The following PLXDC2 variants were observed in gnomAD, a reference collection of about 807,000 sequenced individuals.
PLXDC2 encodes the protein plexin domain-containing protein 2.
PLXDC2 carries 40 observed loss-of-function variants against 68.9 expected under a neutral mutation model. That is an observed-to-expected ratio of 0.58 (90% confidence interval 0.45 to 0.76). PLXDC2 has a LOEUF of 0.76. Among genes scored for constraint, PLXDC2 ranks in the 30% least tolerant of loss-of-function variants. PLXDC2 has a pLI of 0.00. For missense variants in PLXDC2, 644 were observed against 661.9 expected, an observed-to-expected ratio of 0.97 and a Z score of 0.30; for synonymous variants, 243 against 234.2, an observed-to-expected ratio of 1.04 and a Z score of -0.34.
At chr10:20,237,697 G>C (rs114105096) in intron 12 of PLXDC2, among the ~76,000 whole-genome samples, 2,288 of 152,274 alleles carry the variant, frequency 0.015, 52 homozygotes, top group African/African-American at 0.049. Flanking sequence ...AGCATTTATA[G>C]TTTAACTTTA....
chr10:20,094,658 G>A (rs1056903054), intron 4 of PLXDC2, among the ~76,000 whole-genome samples: 1 of 152,096 alleles, frequency 6.6e-6, no homozygotes, highest in Admixed American at 6.6e-5. Context: ...AATAGTTCAT[G>A]GTATAAGGTT....
At chr10:20,074,907 T>A (rs1836413069) in intron 4 of PLXDC2, among the ~76,000 whole-genome samples, 1 of 152,082 alleles carries the variant, frequency 6.6e-6, no homozygotes, top group South Asian at 2.1e-4. Flanking sequence ...TATGGTAATC[T>A]GGAGATCTAT....
At chr10:19,971,490 A>G (rs547926586) in intron 1 of PLXDC2, among the ~76,000 whole-genome samples, 1 of 152,194 alleles carries the variant, frequency 6.6e-6, no homozygotes, top group African/African-American at 2.4e-5. Context: ...GAGTGCTGAA[A>G]TGAGAGGGCT....
At chr10:20,029,409 T>TA (rs142673127) in intron 2 of PLXDC2, among the ~76,000 whole-genome samples, 2,991 of 151,662 alleles carry the variant, frequency 0.02, 92 homozygotes, top group African/African-American at 0.064. Flanking sequence ...GAAATGCTTG[T>TA]AAAAAAAATA....
At chr10:19,826,674 G>C (rs772502193) in intron 1 of PLXDC2, among the ~76,000 whole-genome samples, 3 of 152,080 alleles carry the variant, frequency 2.0e-5, no homozygotes, top group Non-Finnish European at 2.9e-5. Context: ...TATATATCTT[G>C]TATAATGTAC....
At chr10:19,819,762 T>C (rs374505902) in intron 1 of PLXDC2, among the ~76,000 whole-genome samples, 32 of 152,384 alleles carry the variant, frequency 2.1e-4, no homozygotes, top group African/African-American at 7.5e-4. Context: ...TTTTCTGTTA[T>C]TTCCTGCTTT....
intron 7 of PLXDC2, 21 bp from the exon 8 acceptor site, chr10:20,176,978 T>A: frequency 6.5e-7 from 1 of 1,543,678 alleles, no homozygotes; most frequent in South Asian, 1.2e-5. Context: ...AAAAATTGAT[T>A]TTTTTTCCTT....
intron 1 of PLXDC2, among the ~76,000 whole-genome samples, chr10:19,983,798 C>T (rs551682085): frequency 6.6e-6 from 1 of 152,136 alleles, no homozygotes; most frequent in Non-Finnish European, 1.5e-5. Flanking sequence ...GGACTGCAGG[C>T]CCACCTTGGA....
intron 4 of PLXDC2, among the ~76,000 whole-genome samples, chr10:20,105,115 C>T (rs549980887): frequency 7.3e-5 from 11 of 151,502 alleles, no homozygotes; most frequent in South Asian, 2.1e-4. Context: ...GGAGCACCAC[C>T]GGCTCTCTGA....
intron 13 of PLXDC2, 111 bp downstream of exon 13, chr10:20,245,616 A>C (rs2778978): frequency 7.9e-7 from 1 of 1,261,774 alleles, no homozygotes; most frequent in Admixed American, 2.3e-5. Flanking sequence ...TTTTCAGTTC[A>C]AGCTTTCTGA....
intron 13 of PLXDC2, 27 bp downstream of exon 13, chr10:20,245,532 A>T (rs750768093): frequency 6.3e-7 from 1 of 1,595,354 alleles, no homozygotes; most frequent in Non-Finnish European, 8.5e-7. Context: ...ACACATGAAA[A>T]CCACGCCAGT....
intron 1 of PLXDC2, among the ~76,000 whole-genome samples, chr10:19,883,911 T>TTTTTTTTTTTTTTTTTTTTTTTGG: frequency 7.3e-6 from 1 of 136,854 alleles, no homozygotes; most frequent in East Asian, 2.2e-4. Flanking sequence ...TTTTTTTTTT[T>TTTTTTTTTTTTTTTTTTTTTTTGG]AGCAGACAGG....
intron 13 of PLXDC2, among the ~76,000 whole-genome samples, chr10:20,276,492 T>C (rs1482300420): frequency 6.6e-6 from 1 of 152,194 alleles, no homozygotes; most frequent in Admixed American, 6.5e-5. Flanking sequence ...CATTTTCTTC[T>C]GAATATGATT....
At chr10:20,037,749 A>G (rs1727909002) in intron 2 of PLXDC2, among the ~76,000 whole-genome samples, 1 of 152,196 alleles carries the variant, frequency 6.6e-6, no homozygotes, top group Admixed American at 6.6e-5. Flanking sequence ...TTGTGCTTTC[A>G]TGGCCATATA....
At chr10:20,170,429 A>T (rs1363917295) in intron 7 of PLXDC2, among the ~76,000 whole-genome samples, 1 of 152,224 alleles carries the variant, frequency 6.6e-6, no homozygotes, top group African/African-American at 2.4e-5. Flanking sequence ...ACCTCAAGTG[A>T]TCCTCCTGCT....
At chr10:20,209,252 C>A (rs539820823) in intron 9 of PLXDC2, among the ~76,000 whole-genome samples, 1 of 152,046 alleles carries the variant, frequency 6.6e-6, no homozygotes, top group Admixed American at 6.6e-5. Flanking sequence ...CCTTAGAAGA[C>A]GGCCGCCCCT....
intron 10 of PLXDC2, among the ~76,000 whole-genome samples, chr10:20,214,321 A>G (rs1835108353): frequency 6.6e-6 from 1 of 151,648 alleles, no homozygotes; most frequent in Non-Finnish European, 1.5e-5. Flanking sequence ...GTCTGATCCT[A>G]TTCTAAGACC....
intron 4 of PLXDC2, among the ~76,000 whole-genome samples, chr10:20,140,090 G>A (rs931262705): frequency 6.6e-6 from 1 of 152,112 alleles, no homozygotes; most frequent in Non-Finnish European, 1.5e-5. Flanking sequence ...CACGAGGTCA[G>A]GAGATCGAGA....
At chr10:20,027,281 T>G (rs1428111787) in intron 2 of PLXDC2, among the ~76,000 whole-genome samples, 1 of 151,960 alleles carries the variant, frequency 6.6e-6, no homozygotes, top group Non-Finnish European at 1.5e-5. Flanking sequence ...TGGGGCCTAA[T>G]GGGAAGTGTT....
Sources: allele counts gnomAD v4.1 joint callset (sites outside exome capture counted in the v4.1 genomes callset), GRCh38; gene constraint gnomAD v4.1.1; transcripts MANE v1.5; gene names NCBI Gene and HGNC (gene_info 2026-07-23, HGNC 2026-07-21).